The following YAP1 variants were observed in gnomAD, a reference collection of about 807,000 sequenced individuals.
YAP1 encodes transcriptional coactivator YAP1.
YAP1 carries 5 observed loss-of-function variants against 56.9 expected under a neutral mutation model. The ratio of observed to expected loss-of-function variants is 0.09; its 90% CI spans 0.05 to 0.18. YAP1 has a LOEUF of 0.18. Among genes scored for constraint, YAP1 ranks in the 10% least tolerant of loss-of-function variants. YAP1 has a pLI of 1.00. For missense variants in YAP1, 539 were observed against 651.8 expected (o/e 0.83, Z 1.88); for synonymous variants, 265 against 248.1 (o/e 1.07, Z -0.64).
At chr11:102,129,605 G>A (rs1467554852) in intron 2 of YAP1, among the ~76,000 whole-genome samples, 4 of 117,520 alleles carry the variant, frequency 3.4e-5, no homozygotes, top group East Asian at 2.6e-4. Context: ...GCAACAGAGC[G>A]AGACTCTGTC....
chr11:102,222,801 T>G (rs997921910), intron 6 of YAP1, among the ~76,000 whole-genome samples: 6 of 150,718 alleles, frequency 4.0e-5, no homozygotes, highest in Admixed American at 1.3e-4. Context: ...TGTGAAATAG[T>G]GTTGGGGGTT....
chr11:102,203,061 A>G (rs748543092), intron 4 of YAP1, among the ~76,000 whole-genome samples: 4 of 152,226 alleles, frequency 2.6e-5, no homozygotes, highest in Non-Finnish European at 5.9e-5. Flanking sequence ...ACCAAGGGGG[A>G]ACCTGTGTAT....
intron 2 of YAP1, among the ~76,000 whole-genome samples, chr11:102,118,061 T>G (rs1317978245): frequency 6.6e-6 from 1 of 152,222 alleles, no homozygotes; most frequent in Non-Finnish European, 1.5e-5. Flanking sequence ...TGATGCCTTA[T>G]AACTATTACC....
At chr11:102,149,996 T>C (rs1257098401) in intron 2 of YAP1, among the ~76,000 whole-genome samples, 1 of 143,962 alleles carries the variant, frequency 6.9e-6, no homozygotes, top group Admixed American at 6.9e-5. Context: ...TTTTTTTTTT[T>C]TTTTTTTTGA....
chr11:102,134,174 T>C (rs545368053), intron 2 of YAP1, among the ~76,000 whole-genome samples: 4 of 152,320 alleles, frequency 2.6e-5, no homozygotes, highest in East Asian at 3.9e-4. Flanking sequence ...ATTATGGACG[T>C]TTATGTTTGA....
intron 3 of YAP1, among the ~76,000 whole-genome samples, chr11:102,181,310 G>T (rs1242006733): frequency 6.6e-6 from 1 of 152,098 alleles, no homozygotes; most frequent in African/African-American, 2.4e-5. Flanking sequence ...GCCGAGCGTG[G>T]TGGTGGGCCC....
Position 102,111,021 on chromosome 11 carries a change from G to A in YAP1, c.173G>A (p.Arg58His). Residue 58 changes from arginine to histidine, a missense_variant, in exon 1 of 9, where the codon CGC becomes CAC. Coordinates refer to ENST00000282441, the MANE Select transcript of YAP1 (RefSeq NM_001130145.3). ...PPAGHQIVHV[R>H]GDSETDLEAL... ...GCCGGGCATCAGATCGTGCACGTCC[G>A]CGGGGACTCGGAGACCGACCTGGAG... 6.2e-6 allele frequency: 10 copies of A among 1,607,624 alleles called. No homozygotes were observed. Among genetic ancestry groups the A allele is most frequent in the Non-Finnish European group, 8.5e-6 (10 of 1,177,688 alleles).
At chr11:102,182,064 C>T (rs1422669188) in intron 3 of YAP1, among the ~76,000 whole-genome samples, 1 of 152,200 alleles carries the variant, frequency 6.6e-6, no homozygotes, top group African/African-American at 2.4e-5. Flanking sequence ...TCGTGATCCC[C>T]TGCCTCAGCC....
At chr11:102,209,629 G>A in intron 6 of YAP1, 65 bp downstream of exon 6, 1 of 1,431,824 alleles carries the variant, frequency 7.0e-7, no homozygotes, top group Non-Finnish European at 9.4e-7. Context: ...TTAGGAAAGA[G>A]AAACTTACAT....
intron 2 of YAP1, among the ~76,000 whole-genome samples, chr11:102,149,856 C>T (rs1342150109): frequency 6.6e-6 from 1 of 151,820 alleles, no homozygotes; most frequent in Non-Finnish European, 1.5e-5. Context: ...TGACTTTGCT[C>T]ATAGTTGTTG....
chr11:102,156,089 T>C (rs888408425), intron 2 of YAP1, among the ~76,000 whole-genome samples: 1 of 152,212 alleles, frequency 6.6e-6, no homozygotes, highest in Admixed American at 6.5e-5. Context: ...AATGAAAAGA[T>C]AATACTGCCA....
At chr11:102,206,720 GT>G (rs1391010918) in intron 5 of YAP1, among the ~76,000 whole-genome samples, 1 of 152,162 alleles carries the variant, frequency 6.6e-6, no homozygotes, top group Non-Finnish European at 1.5e-5. Flanking sequence ...GCACACACCT[GT>G]AATCTCAACT....
intron 2 of YAP1, among the ~76,000 whole-genome samples, chr11:102,133,889 C>G (rs919956216): frequency 6.6e-6 from 1 of 152,112 alleles, no homozygotes; most frequent in African/African-American, 2.4e-5. Context: ...GGTCTCTTCT[C>G]TTGGTTTGTA....
At chr11:102,113,090 ACT>A (rs1943063921) in intron 1 of YAP1, among the ~76,000 whole-genome samples, 1 of 152,156 alleles carries the variant, frequency 6.6e-6, no homozygotes, top group Non-Finnish European at 1.5e-5. Context: ...CTGATGGGAA[ACT>A]CAAAAAGGTG....
intron 4 of YAP1, among the ~76,000 whole-genome samples, chr11:102,198,724 G>A (rs1024785796): frequency 6.6e-6 from 1 of 152,046 alleles, no homozygotes; most frequent in African/African-American, 2.4e-5. Context: ...TGTATGTGAT[G>A]AATCTCAGAT....
intron 2 of YAP1, among the ~76,000 whole-genome samples, chr11:102,136,037 G>GT (rs1487615107): frequency 6.6e-6 from 1 of 152,198 alleles, no homozygotes; most frequent in Non-Finnish European, 1.5e-5. Context: ...ATTTCTCTGT[G>GT]TACATACATA....
At chr11:102,195,204 C>G (rs1382423725) in intron 4 of YAP1, among the ~76,000 whole-genome samples, 1 of 152,196 alleles carries the variant, frequency 6.6e-6, no homozygotes, top group East Asian at 1.9e-4. Flanking sequence ...TCTGCCTCAC[C>G]TCATTTAGCA....
intron 2 of YAP1, among the ~76,000 whole-genome samples, chr11:102,157,347 CATT>C (rs772261375): frequency 2.0e-4 from 30 of 152,236 alleles, no homozygotes; most frequent in Non-Finnish European, 4.0e-4. Context: ...AACAATGTAT[CATT>C]GTTCCTAGAG....
At chr11:102,193,136 C>T (rs1948384686) in intron 4 of YAP1, among the ~76,000 whole-genome samples, 1 of 152,144 alleles carries the variant, frequency 6.6e-6, no homozygotes. Context: ...GATTTGAAGC[C>T]TAGTTCCAGG....
Sources: gnomAD v4.1 joint callset for allele counts (sites outside exome capture counted in the v4.1 genomes callset) on GRCh38, gnomAD v4.1.1 for gene constraint, MANE v1.5 for transcripts, NCBI Gene and HGNC (gene_info 2026-07-23, HGNC 2026-07-21) for gene names.